Variants in BSPRY observed in about 807,000 individuals in gnomAD.
BSPRY encodes B box and SPRY domain-containing protein.
BSPRY carries 33 observed loss-of-function variants against 38.0 expected under a neutral mutation model. The ratio of observed to expected loss-of-function variants is 0.87; its 90% CI spans 0.66 to 1.16. The LOEUF is 1.16. Among genes scored for constraint, BSPRY ranks in the 50% most tolerant of loss-of-function variants. The pLI is 0.00. For missense variants in BSPRY, 523 were observed against 533.2 expected, an observed-to-expected ratio of 0.98 and a Z score of 0.19; for synonymous variants, 224 against 228.5, an observed-to-expected ratio of 0.98 and a Z score of 0.18.
Position 113,369,635 on chromosome 9 carries a change from C to T in BSPRY, c.702C>T (p.Ile234=), listed in dbSNP as rs369636312. The part of the protein sequence containing the change: ...GSLSGTEDIR[I]DERTVSPFLQ... ...TGGCAGGCACAGAGGACATACGGATCGATGAGAGGACAGTCAGCCCCTTCC... is the reference window on the plus strand; with the variant it reads ...TGGCAGGCACAGAGGACATACGGATTGATGAGAGGACAGTCAGCCCCTTCC... The change falls in exon 6 of 6, where the codon ATC becomes ATT. Residue 234 remains isoleucine, a synonymous_variant. Transcript: ENST00000374183. 21 of 1,612,666 alleles carry T rather than the reference C, an allele frequency of 1.3e-5. No homozygotes were observed. Among genetic ancestry groups the T allele is most frequent in the African/African-American group, 1.1e-4 (8 of 74,904 alleles).
chr9:113,362,257 G>A, intron 3 of BSPRY, 112 bp from the exon 4 acceptor site: 3 of 1,015,238 alleles, frequency 3.0e-6, no homozygotes, highest in Non-Finnish European at 4.6e-6. Context: ...AAGACTAGAA[G>A]TTTTTATTCT....
At chr9:113,357,103 A>C (rs1357160123) in intron 2 of BSPRY, among the ~76,000 whole-genome samples, 2 of 152,232 alleles carry the variant, frequency 1.3e-5, no homozygotes, top group Non-Finnish European at 2.9e-5. Flanking sequence ...GCCCTAGGGC[A>C]CTTCACCTCC....
chr9:113,354,791 G>A (rs372455374), intron 2 of BSPRY, among the ~76,000 whole-genome samples: 3 of 152,126 alleles, frequency 2.0e-5, no homozygotes, highest in African/African-American at 4.8e-5. Flanking sequence ...CCTGGCAGTC[G>A]GTTCTGTGAC....
Position 113,370,343 on chromosome 9 carries a change from C to T in BSPRY, c.*201C>T, listed in dbSNP as rs1834327378. On this transcript the variant is annotated 3_prime_UTR_variant, in exon 6 of 6. Transcript: ENST00000374183. The surrounding 1 kb of genome is among the most constrained non-coding windows in gnomAD (Gnocchi z 4.8). ...TCACAGGTGTCCAAACTTTTGGCTT[C>T]CCTGGGCCACATTTGAAGAAGAATT... 6.2e-6 allele frequency: 3 copies of T among 481,758 alleles called. No homozygotes were observed. Among genetic ancestry groups the T allele is most frequent in the African/African-American group, 2.0e-5 (1 of 49,812 alleles). 29.8% of individuals were successfully genotyped at this position (481,758 alleles called of 1,614,324 possible).
At position 113,368,771 on chromosome 9, in the gene BSPRY, T is replaced by A. The variant is rs76586156; in HGVS notation, c.682+388T>A. Among the ~76,000 whole-genome samples, 64 of 152,336 alleles carry A rather than the reference T, an allele frequency of 4.2e-4. 1 individual carries two copies. Among genetic ancestry groups the A allele is most frequent in the African/African-American group, 1.5e-3 (62 of 41,584 alleles). The stretch of plus-strand genomic sequence containing the variant: ...AATCAAACTGCCTGATTTGCCTCAC[T>A]TATTCACTTTACACACACTGACTCA... On this transcript the variant is annotated intron_variant, in intron 5 of 5. Coordinates refer to ENST00000374183, the MANE Select transcript of BSPRY (RefSeq NM_017688.3).
At chr9:113,368,799 C>T (rs897884604) in intron 5 of BSPRY, among the ~76,000 whole-genome samples, 12 of 152,168 alleles carry the variant, frequency 7.9e-5, no homozygotes, top group African/African-American at 2.9e-4. Flanking sequence ...CTGACTCAGG[C>T]CAACTGTGGG....
At chr9:113,368,724 A>G (rs1199483261) in intron 5 of BSPRY, among the ~76,000 whole-genome samples, 1 of 152,208 alleles carries the variant, frequency 6.6e-6, no homozygotes, top group Admixed American at 6.5e-5. Context: ...TTGATGGCCA[A>G]CTGAAGAACA....
chr9:113,362,997 G>A (rs1490180166), intron 4 of BSPRY, among the ~76,000 whole-genome samples: 1 of 152,074 alleles, frequency 6.6e-6, no homozygotes, highest in Non-Finnish European at 1.5e-5. Context: ...AAATTTCAGA[G>A]TTATACTTAG....
intron 2 of BSPRY, among the ~76,000 whole-genome samples, chr9:113,356,004 G>T (rs1834051762): frequency 6.6e-6 from 1 of 152,188 alleles, no homozygotes; most frequent in Non-Finnish European, 1.5e-5. Context: ...CCATGTGCCA[G>T]ATACTGTTGT....
chr9:113,355,697 C>T (rs1413257864), intron 2 of BSPRY, among the ~76,000 whole-genome samples: 1 of 151,714 alleles, frequency 6.6e-6, no homozygotes, highest in Non-Finnish European at 1.5e-5. Context: ...TCACTGAAAC[C>T]TCCGTCTCCT....
At position 113,349,547 on chromosome 9, in the gene BSPRY, G is replaced by T; in HGVS notation, c.-33G>T. On this transcript the variant is annotated 5_prime_UTR_variant, in exon 1 of 6. Coordinates refer to ENST00000374183, the MANE Select transcript of BSPRY (RefSeq NM_017688.3). Reference sequence around the variant, plus strand: ...CCAGGCCCCGCCCGCCGCCACCTGCGACAGGTGGAGCGCACGGGGCGGGCG... The same window carrying T: ...CCAGGCCCCGCCCGCCGCCACCTGCTACAGGTGGAGCGCACGGGGCGGGCG... 9.0e-7 allele frequency: 1 copy of T among 1,114,442 alleles called. No individual in the cohort carries two copies. 69.0% of individuals were successfully genotyped at this position (1,114,442 alleles called of 1,614,324 possible).
chr9:113,362,724 G>A (rs1201238717), intron 4 of BSPRY, among the ~76,000 whole-genome samples: 1 of 152,222 alleles, frequency 6.6e-6, no homozygotes, highest in African/African-American at 2.4e-5. Flanking sequence ...AAAGGGGAAG[G>A]GATCTCCCTA....
intron 1 of BSPRY, among the ~76,000 whole-genome samples, chr9:113,351,480 T>C (rs1833970128): frequency 6.6e-6 from 1 of 152,228 alleles, no homozygotes; most frequent in Non-Finnish European, 1.5e-5. Context: ...TGGTGCATGG[T>C]GATCACAGCT....
At chr9:113,369,535 G>C (rs777899326) in intron 5 of BSPRY, 81 bp from the exon 6 acceptor site, 1 of 1,442,580 alleles carries the variant, frequency 6.9e-7, no homozygotes, top group Non-Finnish European at 9.4e-7. Flanking sequence ...CTAGTGAGTG[G>C]TGAGGAACCT....
chr9:113,349,760 G>C lies in BSPRY; in HGVS notation c.181G>C (p.Glu61Gln). The C allele has an allele frequency of 8.1e-7, 1 of 1,235,486 alleles. No homozygotes were observed. Among genetic ancestry groups the C allele is most frequent in the Non-Finnish European group, 1.0e-6 (1 of 990,334 alleles). The allele number at this position is 1,235,486 out of a possible 1,614,324, so 76.5% of individuals were successfully genotyped here. A position where few individuals can be genotyped will look rare whatever the true frequency, so the allele number is the denominator to read the frequency against. The change falls in exon 1 of 6, where the codon GAG becomes CAG. Residue 61 changes from glutamate (E) to glutamine (Q), a missense_variant. Glu to Gln is a conservative substitution (Grantham distance 29, BLOSUM62 2). Coordinates refer to ENST00000374183, the MANE Select transcript of BSPRY (RefSeq NM_017688.3). Reference sequence around the variant, plus strand: ...GGGGCACCGCATCCGCCGGGCGGAGGAGCGCGCCGAGGAGCTGCGGGTGAG... The same window carrying C: ...GGGGCACCGCATCCGCCGGGCGGAGCAGCGCGCCGAGGAGCTGCGGGTGAG... ...CRGHRIRRAE[E>Q]RAEELRNKIV...
intron 2 of BSPRY, among the ~76,000 whole-genome samples, chr9:113,356,018 A>G (rs912780278): frequency 1.3e-5 from 2 of 152,186 alleles, no homozygotes; most frequent in African/African-American, 4.8e-5. Flanking sequence ...CTGTTGTTCA[A>G]TGGGTTAGGC....
At chr9:113,359,465 T>C (rs1834115413) in intron 2 of BSPRY, among the ~76,000 whole-genome samples, 1 of 152,236 alleles carries the variant, frequency 6.6e-6, no homozygotes, top group Non-Finnish European at 1.5e-5. Context: ...CCCTGTGCAC[T>C]GTACAAAGCA....
intron 2 of BSPRY, 94 bp downstream of exon 2, chr9:113,354,432 C>G: frequency 1.1e-6 from 1 of 912,116 alleles, no homozygotes; most frequent in Non-Finnish European, 1.7e-6. Context: ...TTACCAACCT[C>G]ACAGACTCAT....
chr9:113,368,261 C>T lies in BSPRY; in HGVS notation c.560C>T (p.Thr187Ile), dbSNP rs758802761. The change falls in exon 5 of 6, where the codon ACC becomes ATC. Residue 187 changes from threonine to isoleucine, a missense_variant and splice_region_variant. Thr to Ile is a moderately conservative substitution (Grantham distance 89). Coordinates refer to ENST00000374183, the MANE Select transcript of BSPRY (RefSeq NM_017688.3). ...IQKEQEIFER[T>I]EEAEGILDPQ... ...GTCTCTGTTTTTCCCCATATAAGGA[C>T]CGAAGAAGCAGAGGGCATTTTGGAT... The T allele has an allele frequency of 5.0e-6, 8 of 1,613,836 alleles. No homozygotes were observed. The Admixed American group carries it at 5.0e-5, about 10-fold the overall frequency.
Sources: gnomAD v4.1 joint callset for allele counts (sites outside exome capture counted in the v4.1 genomes callset) on GRCh38, gnomAD v4.1.1 for gene constraint, Gnocchi (gnomAD v3.1) non-coding constraint, MANE v1.5 for transcripts, NCBI Gene and HGNC (gene_info 2026-07-23, HGNC 2026-07-21) for gene names.